SLIT3: variants seen among roughly 807,000 people sequenced by gnomAD.
The protein encoded by SLIT3 is slit guidance ligand 3.
SLIT3 carries 68 observed loss-of-function variants against 184.0 expected under a neutral mutation model. The ratio of observed to expected loss-of-function variants is 0.37; its 90% confidence interval spans 0.30 to 0.45. SLIT3 has a LOEUF of 0.45. Ranked by LOEUF, SLIT3 falls within the 20% of genes least tolerant of loss-of-function variation. The pLI, the probability that SLIT3 is intolerant of heterozygous loss-of-function variation, is 1.00. For missense variants in SLIT3, 1,707 were observed against 2,026.0 expected, an observed-to-expected ratio of 0.84 and a Z score of 3.02; for synonymous variants, 831 against 828.6, an observed-to-expected ratio of 1.00 and a Z score of -0.05.
intron 1 of SLIT3, among the ~76,000 whole-genome samples, chr5:169,260,184 G>A (rs538416683): frequency 2.3e-4 from 35 of 152,150 alleles, no homozygotes; most frequent in African/African-American, 7.7e-4. Flanking sequence ...TGTGATTTGA[G>A]GACTCCTACT....
intron 4 of SLIT3, among the ~76,000 whole-genome samples, chr5:169,107,631 G>A (rs1760263228): frequency 6.6e-6 from 1 of 152,206 alleles, no homozygotes; most frequent in South Asian, 2.1e-4. Context: ...GGATCACAGG[G>A]AGCCTGGGAA....
intron 17 of SLIT3, among the ~76,000 whole-genome samples, chr5:168,753,425 A>G (rs896475377): frequency 6.6e-6 from 1 of 152,218 alleles, no homozygotes; most frequent in Non-Finnish European, 1.5e-5. Context: ...ACGTGGTTGT[A>G]GACATCAGCT....
At chr5:168,705,461 G>C (rs1207141577) in intron 26 of SLIT3, among the ~76,000 whole-genome samples, 1 of 151,926 alleles carries the variant, frequency 6.6e-6, no homozygotes, top group African/African-American at 2.4e-5. Context: ...ACCACCATCT[G>C]TACCATTAGC....
intron 4 of SLIT3, among the ~76,000 whole-genome samples, chr5:168,937,192 C>G (rs1477537583): frequency 6.6e-6 from 1 of 151,978 alleles, no homozygotes; most frequent in African/African-American, 2.4e-5. Flanking sequence ...GGTCAGTGCA[C>G]CCAGAGCACA....
At chr5:169,232,839 C>T (rs913947995) in intron 3 of SLIT3, among the ~76,000 whole-genome samples, 5 of 152,162 alleles carry the variant, frequency 3.3e-5, no homozygotes, top group Non-Finnish European at 5.9e-5. Flanking sequence ...ATTAGGACTG[C>T]CCTGAATCCA....
chr5:168,844,525 ACACACACATACACACACATGCACG>A (rs1758383683), intron 6 of SLIT3, 35 bp downstream of exon 6: 10 of 1,474,606 alleles, frequency 6.8e-6, no homozygotes, highest in Middle Eastern at 1.7e-4. Flanking sequence ...CCACACAGAC[ACACACACATACACACACATGCACG>A]CACACACAAG....
chr5:169,179,960 T>A (rs1763105159), intron 4 of SLIT3, among the ~76,000 whole-genome samples: 2 of 152,064 alleles, frequency 1.3e-5, no homozygotes, highest in South Asian at 4.2e-4. Context: ...AAGCTTACAA[T>A]CTATGGGGGG....
intron 4 of SLIT3, among the ~76,000 whole-genome samples, chr5:169,064,045 A>G (rs1245831707): frequency 1.3e-5 from 2 of 152,200 alleles, no homozygotes; most frequent in Non-Finnish European, 2.9e-5. Context: ...AGGGTAAATT[A>G]TTTTCAAAAG....
chr5:168,801,242 A>G (rs1756756887), intron 9 of SLIT3, among the ~76,000 whole-genome samples: 1 of 152,118 alleles, frequency 6.6e-6, no homozygotes, highest in Non-Finnish European at 1.5e-5. Context: ...CAGAAAATCC[A>G]AGAGTCACTG....
chr5:168,790,499 G>C (rs1021631707), intron 10 of SLIT3: 2 of 152,210 alleles, frequency 1.3e-5, no homozygotes, highest in Non-Finnish European at 2.9e-5. Context: ...CTGGACACCA[G>C]CTCTTGCTAA....
chr5:168,843,575 T>C (rs1758345344), intron 6 of SLIT3, among the ~76,000 whole-genome samples: 1 of 152,182 alleles, frequency 6.6e-6, no homozygotes. Flanking sequence ...CCTTTCATTT[T>C]ACAAATGAGG....
At chr5:169,003,132 G>A (rs1386180560) in intron 4 of SLIT3, among the ~76,000 whole-genome samples, 3 of 152,230 alleles carry the variant, frequency 2.0e-5, no homozygotes, top group African/African-American at 4.8e-5. Context: ...GATATTACCA[G>A]TATGTATCTA....
chr5:169,103,640 G>A (rs1006874373), intron 4 of SLIT3, among the ~76,000 whole-genome samples: 2 of 152,220 alleles, frequency 1.3e-5, no homozygotes, highest in Non-Finnish European at 2.9e-5. Flanking sequence ...GTTACCGGGA[G>A]GTGGGTGGGT....
Position 168,749,474 on chromosome 5 carries a change from T to C in SLIT3, c.2135A>G (p.Asp712Gly). Reference sequence around the variant, plus strand: ...ACCTTGACCCACAGCCTTCTTACCATCACAGGTGAAGTCCTGGATGGCCAC... The same window carrying C: ...ACCTTGACCCACAGCCTTCTTACCACCACAGGTGAAGTCCTGGATGGCCAC... ...QDVAIQDFTCDGNEESSCQLS... is the reference protein window; with the variant it reads ...QDVAIQDFTCGGNEESSCQLS... The change falls in exon 19 of 36, where the codon GAT (aspartate) becomes GGT (glycine). Residue 712 changes from aspartate to glycine, a missense_variant and splice_region_variant. This residue lies in a region of SLIT3 where 1,307 missense variants were observed against 1,511.6 expected (regional missense o/e 0.86). Coordinates refer to ENST00000519560, the MANE Select transcript of SLIT3 (RefSeq NM_003062.4). 1.2e-6 allele frequency: 2 copies of C among 1,614,116 alleles called. No individual in the cohort carries two copies. The highest frequency in any genetic ancestry group is 1.7e-5 in the Admixed American group (1 of 60,024).
At chr5:168,982,234 G>A (rs1294021635) in intron 4 of SLIT3, among the ~76,000 whole-genome samples, 6 of 152,236 alleles carry the variant, frequency 3.9e-5, no homozygotes, top group African/African-American at 1.4e-4. Context: ...GTGGCAGTAT[G>A]GAGAGATGGG....
intron 4 of SLIT3, among the ~76,000 whole-genome samples, chr5:169,014,158 A>AG (rs1244537240): frequency 6.6e-6 from 1 of 151,542 alleles, no homozygotes; most frequent in Non-Finnish European, 1.5e-5. Flanking sequence ...GATATCTCAA[A>AG]GCTTTATGAC....
At chr5:168,783,234 C>T (rs547926073) in intron 12 of SLIT3, among the ~76,000 whole-genome samples, 17 of 152,050 alleles carry the variant, frequency 1.1e-4, no homozygotes, top group African/African-American at 3.1e-4. Context: ...ATGCTTAGGA[C>T]AGCTGGGGCT....
intron 4 of SLIT3, among the ~76,000 whole-genome samples, chr5:169,020,116 G>T (rs1278670392): frequency 6.7e-6 from 1 of 149,566 alleles, no homozygotes; most frequent in Non-Finnish European, 1.5e-5. Flanking sequence ...GAGGTGAGTG[G>T]TTAAGAGAGA....
intron 4 of SLIT3, chr5:169,026,334 T>G (rs139040269): frequency 7.2e-5 from 11 of 152,202 alleles, no homozygotes; most frequent in South Asian, 2.1e-4. Flanking sequence ...CAAGCAAATG[T>G]GGTGGGTGTG....
Sources: gnomAD v4.1 joint callset for allele counts (sites outside exome capture counted in the v4.1 genomes callset) on GRCh38, gnomAD v4.1.1 for gene constraint, gnomAD v4.1.1 regional missense constraint, MANE v1.5 for transcripts, NCBI Gene and HGNC (gene_info 2026-07-23, HGNC 2026-07-21) for gene names.